The following ZNF738 variants were observed in gnomAD, a reference collection of about 807,000 sequenced individuals.
ZNF738 encodes the protein protein ZNF738.
Under a neutral mutation model 9.2 loss-of-function variants are expected in ZNF738, and 10 were observed. That is an observed-to-expected ratio of 1.09 (90% confidence interval 0.67 to 1.85). The LOEUF is 1.85. Ranked by LOEUF, ZNF738 falls within the 40% of genes most tolerant of loss-of-function variation. The pLI, the probability that ZNF738 is intolerant of heterozygous loss-of-function variation, is 0.00. For missense variants in ZNF738, 346 were observed against 283.6 expected (o/e 1.22, Z -1.58); for synonymous variants, 113 against 94.5 (o/e 1.20, Z -1.14).
chr19:21,387,925 A>G lies in ZNF738; in HGVS notation c.*4251A>G, dbSNP rs1470641911. ...TCTTGCAGATATAATAAATGTGGAA[A>G]AACACTTTTTCAAAAACTACATCAG... On this transcript the variant is annotated 3_prime_UTR_variant, in exon 5 of 5. Transcript: ENST00000683779. Among the ~76,000 whole-genome samples the G allele has an allele frequency of 1.3e-5, 2 of 152,208 alleles. No homozygotes were observed. The highest frequency in any genetic ancestry group is 2.1e-4 in the South Asian group (1 of 4,830).
intron 4 of ZNF738, among the ~76,000 whole-genome samples, chr19:21,376,626 C>A (rs1973932069): frequency 6.6e-6 from 1 of 152,136 alleles, no homozygotes; most frequent in Non-Finnish European, 1.5e-5. Context: ...CATCTTGGCT[C>A]ATCGTAACCT....
Position 21,369,793 on chromosome 19 carries a change from A to G in ZNF738, c.97-5445A>G, listed in dbSNP as rs577195091. Among the ~76,000 whole-genome samples the G allele has an allele frequency of 2.7e-5, 4 of 150,556 alleles. No individual in the cohort carries two copies. In the South Asian group the frequency reaches 8.4e-4, roughly 31 times the overall value. ...ACTGTAATGTAGTTTGAAGAGGGGC[A>G]ATGTAATGCTTCCAGCTTCATTCTT... is the stretch of plus-strand genomic sequence containing the variant. On this transcript the variant is annotated intron_variant, in intron 2 of 4. Coordinates refer to ENST00000683779, the MANE Select transcript of ZNF738 (RefSeq NM_001355237.2).
chr19:21,363,865 G>A (rs568772309), intron 2 of ZNF738, among the ~76,000 whole-genome samples: 31 of 91,910 alleles, frequency 3.4e-4, no homozygotes, highest in Non-Finnish European at 6.0e-4. Flanking sequence ...CTCCAGACTG[G>A]GTGACAGTGA....
chr19:21,380,217 GAAAC>G (rs951910629), intron 4 of ZNF738, among the ~76,000 whole-genome samples: 2 of 152,060 alleles, frequency 1.3e-5, no homozygotes, highest in Non-Finnish European at 2.9e-5. Context: ...AAAGATGAAA[GAAAC>G]AAGTTCACAT....
intron 2 of ZNF738, among the ~76,000 whole-genome samples, chr19:21,371,494 C>G (rs1383249348): frequency 6.6e-6 from 1 of 152,148 alleles, no homozygotes; most frequent in African/African-American, 2.4e-5. Flanking sequence ...CTCAAGTTTT[C>G]TGGTACTAGG....
intron 2 of ZNF738, among the ~76,000 whole-genome samples, chr19:21,367,135 A>G (rs1973792853): frequency 6.6e-6 from 1 of 152,224 alleles, no homozygotes. Context: ...ACTGTTCCTG[A>G]AGAACACAAA....
rs997150762 is a variant in ZNF738, at chr19:21,387,826, T to A, written c.*4152T>A. ...TTGAATCAAATTTTATTGTACACAT[T>A]TTGTACTAGAGGAAAACTCTGAAGC... On this transcript the variant is annotated 3_prime_UTR_variant, in exon 5 of 5. Transcript: ENST00000683779. Among the ~76,000 whole-genome samples, 7 of 152,200 alleles carry A rather than the reference T, an allele frequency of 4.6e-5. No homozygotes were observed. Among genetic ancestry groups the A allele is most frequent in the Non-Finnish European group, 1.0e-4 (7 of 68,040 alleles).
intron 4 of ZNF738, chr19:21,377,287 A>C (rs997094717): frequency 1.5e-5 from 8 of 526,822 alleles, no homozygotes; most frequent in Non-Finnish European, 2.4e-5. Flanking sequence ...AGCCTGGGTA[A>C]CAAGAGCAAA....
rs972432384 is a variant in ZNF738, at chr19:21,384,421, G to C, written c.*747G>C. Among the ~76,000 whole-genome samples, 6 of 152,020 alleles carry C rather than the reference G, an allele frequency of 3.9e-5. No homozygotes were observed. The highest frequency in any genetic ancestry group is 1.4e-4 in the African/African-American group (6 of 41,404). On this transcript the variant is annotated 3_prime_UTR_variant, in exon 5 of 5. Transcript: ENST00000683779. Reference sequence around the variant, plus strand: ...CATAATGGAGAGAAACCCTACAAATGTTTAGAATGTGGCAAAGATTTCTAC... The same window carrying C: ...CATAATGGAGAGAAACCCTACAAATCTTTAGAATGTGGCAAAGATTTCTAC...
At chr19:21,380,213 G>A (rs1973986995) in intron 4 of ZNF738, among the ~76,000 whole-genome samples, 1 of 152,084 alleles carries the variant, frequency 6.6e-6, no homozygotes, top group Admixed American at 6.5e-5. Context: ...TTTCAAAGAT[G>A]AAAGAAACAA....
chr19:21,362,625 C>A (rs1973715747), intron 2 of ZNF738, among the ~76,000 whole-genome samples: 1 of 152,070 alleles, frequency 6.6e-6, no homozygotes, highest in Admixed American at 6.6e-5. Flanking sequence ...TGTTTTTTAG[C>A]TGTAAGGTTA....
Position 21,383,673 on chromosome 19 carries a change from A to C in ZNF738, c.1127A>C (p.Ter376SerextTer70). ...HTGEKPYKCE[*>S] ...GGAGAGAAACCCTACAAATGTGAATAATGTGGCAAAGCCTTTAATGTATTC... is the reference window on the plus strand; with the variant it reads ...GGAGAGAAACCCTACAAATGTGAATCATGTGGCAAAGCCTTTAATGTATTC... The change falls in exon 5 of 5, where the codon TAA becomes TCA. Residue 376 changes from the stop codon to serine, a stop_lost. Coordinates refer to ENST00000683779, the MANE Select transcript of ZNF738 (RefSeq NM_001355237.2). The C allele has an allele frequency of 1.0e-6, 1 of 979,864 alleles. No individual in the cohort carries two copies. Among genetic ancestry groups the C allele is most frequent in the Non-Finnish European group, 1.6e-6 (1 of 617,512 alleles). The allele number at this position is 979,864 out of a possible 1,614,324, so 60.7% of individuals were successfully genotyped here.
intron 2 of ZNF738, among the ~76,000 whole-genome samples, chr19:21,370,744 A>T (rs1302215706): frequency 1.3e-5 from 2 of 152,132 alleles, no homozygotes; most frequent in Non-Finnish European, 2.9e-5. Flanking sequence ...AGCAGCCTCT[A>T]TGAAGGGATC....
intron 1 of ZNF738, among the ~76,000 whole-genome samples, chr19:21,361,178 C>T (rs7508092): frequency 0.57 from 85,872 of 151,550 alleles, 24,580 homozygotes; most frequent in Middle Eastern, 0.69. Flanking sequence ...GCTCTTGTTG[C>T]CCAGGCTGGA....
rs971879091 is a variant in ZNF738, at chr19:21,384,145, A to G, written c.*471A>G. ...TATCTTACTACACATAAGATGATTC[A>G]TACTGTAGAGAAACGCTACAAATGT... On this transcript the variant is annotated 3_prime_UTR_variant, in exon 5 of 5. Coordinates refer to ENST00000683779, the MANE Select transcript of ZNF738 (RefSeq NM_001355237.2). The G allele has an allele frequency of 5.1e-5, 75 of 1,475,538 alleles. No homozygotes were observed. The highest frequency in any genetic ancestry group is 6.4e-5 in the Non-Finnish European group (68 of 1,059,162). 91.4% of individuals were successfully genotyped at this position (1,475,538 alleles called of 1,614,324 possible). A position where few individuals can be genotyped will look rare whatever the true frequency, so the allele number is the denominator to read the frequency against.
At chr19:21,364,912 ATTTTTTTT>A (rs71176864) in intron 2 of ZNF738, among the ~76,000 whole-genome samples, 7 of 99,246 alleles carry the variant, frequency 7.1e-5, no homozygotes, top group Admixed American at 1.2e-4. Context: ...TACCCAGCTA[ATTTTTTTT>A]TTTTTTTTTT....
At position 21,371,749 on chromosome 19, in the gene ZNF738, G is replaced by A. The variant is rs891784966; in HGVS notation, c.97-3489G>A. ...TGACTTCTGAAGTTATCACCTGAAC[G>A]TATATTTATGGACTGAAGAGTTATT... On this transcript the variant is annotated intron_variant, in intron 2 of 4. Transcript: ENST00000683779. Among the ~76,000 whole-genome samples, 5 of 132,132 alleles carry A rather than the reference G, an allele frequency of 3.8e-5. No individual in the cohort carries two copies. In the South Asian group the frequency reaches 1.1e-3, roughly 29 times the overall value. 86.7% of individuals were successfully genotyped at this position (132,132 alleles called of 152,430 possible). A position where few individuals can be genotyped will look rare whatever the true frequency, so the allele number is the denominator to read the frequency against.
intron 2 of ZNF738, among the ~76,000 whole-genome samples, chr19:21,370,199 T>C (rs1973839581): frequency 6.6e-6 from 1 of 152,232 alleles, no homozygotes; most frequent in Non-Finnish European, 1.5e-5. Context: ...ATTTATTAAT[T>C]GTATGTTGAA....
At chr19:21,379,767 C>T (rs1027414500) in intron 4 of ZNF738, among the ~76,000 whole-genome samples, 33 of 151,748 alleles carry the variant, frequency 2.2e-4, no homozygotes, top group African/African-American at 5.8e-4. Context: ...CAGTATTGCA[C>T]GAATTATAAG....
Sources: allele counts gnomAD v4.1 joint callset (sites outside exome capture counted in the v4.1 genomes callset), GRCh38; gene constraint gnomAD v4.1.1; transcripts MANE v1.5; gene names NCBI Gene and HGNC (gene_info 2026-07-23, HGNC 2026-07-21).